ATF7IP: variants seen among roughly 807,000 people sequenced by gnomAD.
ATF7IP encodes the protein activating transcription factor 7 interacting protein, also known as activating transcription factor 7-interacting protein 1.
In ATF7IP, 23 loss-of-function variants were observed where a neutral mutation model predicts 106.4. The observed-to-expected ratio is 0.22, with a 90% CI of 0.16 to 0.31. The LOEUF is 0.31. Ranked by LOEUF, ATF7IP falls within the 10% of genes least tolerant of loss-of-function variation. The pLI is 1.00. For synonymous variants in ATF7IP, 542 were observed against 539.0 expected (o/e 1.01, Z -0.08); for missense variants, 1,334 against 1,524.3 (o/e 0.88, Z 2.08).
intron 10 of ATF7IP, among the ~76,000 whole-genome samples, chr12:14,474,459 C>T (rs141383498): frequency 0.05 from 7,375 of 146,078 alleles, 616 homozygotes; most frequent in African/African-American, 0.18. Flanking sequence ...GGAGTGCAGT[C>T]GCGCAATCTC....
chr12:14,472,168 A>G (rs1944073048), intron 10 of ATF7IP, among the ~76,000 whole-genome samples: 1 of 152,146 alleles, frequency 6.6e-6, no homozygotes, highest in African/African-American at 2.4e-5. Context: ...ATCTGGCTAC[A>G]TATCTGACTT....
At chr12:14,417,051 G>GA (rs1180532305) in intron 1 of ATF7IP, 7 of 574,222 alleles carry the variant, frequency 1.2e-5, no homozygotes, top group Non-Finnish European at 1.5e-5. Flanking sequence ...GTGAATTTGA[G>GA]AAAAAAATTC....
intron 1 of ATF7IP, among the ~76,000 whole-genome samples, chr12:14,404,525 T>G (rs1452303652): frequency 6.6e-6 from 1 of 152,212 alleles, no homozygotes; most frequent in Admixed American, 6.5e-5. Flanking sequence ...TGATTTAATT[T>G]CCTTATATTT....
chr12:14,501,775 C>A lies in ATF7IP; in HGVS notation c.*3702C>A, dbSNP rs1318677713. The A allele has an allele frequency of 6.6e-6, 1 of 152,160 alleles. No individual in the cohort carries two copies. Among genetic ancestry groups the A allele is most frequent in the Non-Finnish European group, 1.5e-5 (1 of 68,018 alleles). 9.4% of individuals were successfully genotyped at this position (152,160 alleles called of 1,614,324 possible). A position where few individuals can be genotyped will look rare whatever the true frequency, so the allele number is the denominator to read the frequency against. ...AATCTTAGGTGCATCTGTCTGCAGA[C>A]CTCCTTAAGCAGGCTGTATCTTACA... On this transcript the variant is annotated 3_prime_UTR_variant, in exon 15 of 15. Transcript: ENST00000261168.
intron 1 of ATF7IP, among the ~76,000 whole-genome samples, chr12:14,419,795 A>T (rs1282130384): frequency 6.6e-6 from 1 of 152,184 alleles, no homozygotes; most frequent in Non-Finnish European, 1.5e-5. Flanking sequence ...ATTATTATAT[A>T]TACATTTTGT....
At chr12:14,415,537 A>G (rs1941155289) in intron 1 of ATF7IP, among the ~76,000 whole-genome samples, 1 of 152,102 alleles carries the variant, frequency 6.6e-6, no homozygotes, top group African/African-American at 2.4e-5. Context: ...GTGGTTGGTT[A>G]TTTTTTACAA....
chr12:14,381,420 T>A (rs1417174455), intron 1 of ATF7IP, among the ~76,000 whole-genome samples: 3 of 151,782 alleles, frequency 2.0e-5, no homozygotes, highest in Non-Finnish European at 4.4e-5. Context: ...TAGTAGAGAC[T>A]GGGTTTTGCC....
chr12:14,404,247 A>G (rs1940429538), intron 1 of ATF7IP, among the ~76,000 whole-genome samples: 1 of 151,980 alleles, frequency 6.6e-6, no homozygotes, highest in African/African-American at 2.4e-5. Flanking sequence ...ATATCCATAT[A>G]TTGTATTACT....
chr12:14,395,575 CTG>C (rs1350396169), intron 1 of ATF7IP, among the ~76,000 whole-genome samples: 1 of 152,060 alleles, frequency 6.6e-6, no homozygotes, highest in East Asian at 1.9e-4. Context: ...TCATTATAGT[CTG>C]TTACTATATT....
intron 13 of ATF7IP, chr12:14,481,393 TAG>T (rs1451137941): frequency 5.1e-6 from 3 of 593,818 alleles, no homozygotes; most frequent in Non-Finnish European, 8.8e-6. Context: ...AAATAGCTGA[TAG>T]AGCAGATTTT....
At chr12:14,441,942 A>T (rs772104295) in intron 5 of ATF7IP, among the ~76,000 whole-genome samples, 1 of 152,226 alleles carries the variant, frequency 6.6e-6, no homozygotes, top group East Asian at 1.9e-4. Context: ...AGTCTTACAG[A>T]TGGTATATAG....
At chr12:14,452,138 T>G (rs1210259224) in intron 6 of ATF7IP, among the ~76,000 whole-genome samples, 1 of 152,212 alleles carries the variant, frequency 6.6e-6, no homozygotes, top group Admixed American at 6.5e-5. Context: ...AAAGTCTATT[T>G]TGTCATACAT....
intron 5 of ATF7IP, among the ~76,000 whole-genome samples, chr12:14,443,335 C>T (rs997875901): frequency 6.6e-6 from 1 of 152,110 alleles, no homozygotes; most frequent in African/African-American, 2.4e-5. Flanking sequence ...GATGAGACTT[C>T]CATTAGATGA....
rs1940555327 is a variant in ATF7IP, at chr12:14,405,954, CT to C, written c.-7-17951del. Among the ~76,000 whole-genome samples, 3 of 152,056 alleles carry C rather than the reference CT, an allele frequency of 2.0e-5. No individual in the cohort carries two copies. The South Asian group carries it at 6.2e-4, about 32-fold the overall frequency. On this transcript the variant is annotated intron_variant, in intron 1 of 14. Coordinates refer to ENST00000261168, the MANE Select transcript of ATF7IP (RefSeq NM_018179.5). The stretch of plus-strand genomic sequence containing the variant: ...GTTTTGCAAGCATCATGTCTTCTTG[CT>C]TTTCTTGAAACAAAACTGGCCAGTA...
chr12:14,429,356 T>C (rs1240381921), intron 2 of ATF7IP, among the ~76,000 whole-genome samples: 1 of 152,166 alleles, frequency 6.6e-6, no homozygotes, highest in East Asian at 1.9e-4. Context: ...TTTTTTGGCC[T>C]TTCTCATTCT....
intron 1 of ATF7IP, among the ~76,000 whole-genome samples, chr12:14,407,229 A>G (rs976672260): frequency 3.3e-5 from 5 of 152,216 alleles, no homozygotes; most frequent in Non-Finnish European, 5.9e-5. Flanking sequence ...AAAACACACT[A>G]CTGGATGGTT....
intron 2 of ATF7IP, among the ~76,000 whole-genome samples, chr12:14,428,917 T>G (rs538398074): frequency 5.0e-4 from 76 of 152,284 alleles, no homozygotes; most frequent in South Asian, 1.9e-3. Flanking sequence ...TAGTATTATG[T>G]TATAACTAAT....
chr12:14,449,705 AT>A (rs1463723721), intron 6 of ATF7IP, among the ~76,000 whole-genome samples: 2 of 150,490 alleles, frequency 1.3e-5, no homozygotes, highest in Middle Eastern at 3.4e-3. Context: ...GAATTTTAGG[AT>A]TTTTTTCTGG....
rs1945141473 is a variant in ATF7IP, at chr12:14,500,812, ATATT to A, written c.*2740_*2743del. The A allele has an allele frequency of 6.6e-6, 1 of 152,248 alleles. No individual in the cohort carries two copies. The highest frequency in any genetic ancestry group is 1.5e-5 in the Non-Finnish European group (1 of 68,040). The allele number at this position is 152,248 out of a possible 1,614,324, so 9.4% of individuals were successfully genotyped here. The stretch of plus-strand genomic sequence containing the variant: ...AAAAAAAAATTCATTAGCCTAGCCT[ATATT>A]ATGTTTTCTGTCAAAGGAAAACAAA... On this transcript the variant is annotated 3_prime_UTR_variant, in exon 15 of 15. Coordinates refer to ENST00000261168, the MANE Select transcript of ATF7IP (RefSeq NM_018179.5).
Sources: gnomAD v4.1 joint callset for allele counts (sites outside exome capture counted in the v4.1 genomes callset) on GRCh38, gnomAD v4.1.1 for gene constraint, MANE v1.5 for transcripts, NCBI Gene and HGNC (gene_info 2026-07-23, HGNC 2026-07-21) for gene names.